FXR1: variants seen among roughly 807,000 people sequenced by gnomAD.
FXR1 encodes RNA-binding protein FXR1.
A neutral mutation model predicts 84.0 loss-of-function variants in FXR1; 15 were observed. The observed-to-expected ratio is 0.18, with a 90% CI of 0.12 to 0.27. FXR1 has a LOEUF of 0.27. Among genes scored for constraint, FXR1 ranks in the 10% least tolerant of loss-of-function variants. The pLI is 1.00. For synonymous variants in FXR1, 245 were observed against 250.7 expected, an observed-to-expected ratio of 0.98 and a Z score of 0.21; for missense variants, 480 against 774.4, an observed-to-expected ratio of 0.62 and a Z score of 4.51.
intron 1 of FXR1, among the ~76,000 whole-genome samples, chr3:180,914,013 C>T (rs964844090): frequency 2.0e-5 from 3 of 152,272 alleles, no homozygotes; most frequent in African/African-American, 7.2e-5. Context: ...TTAACTGTCA[C>T]GTGGTACCAG....
chr3:180,947,790 G>A, intron 3 of FXR1, 75 bp from the exon 4 acceptor site: 1 of 631,978 alleles, frequency 1.6e-6, no homozygotes, highest in Non-Finnish European at 2.7e-6. Flanking sequence ...TTGGGATTGG[G>A]TATTAATAAA....
chr3:180,968,127 A>C lies in FXR1; in HGVS notation c.1275A>C (p.Ala425=). The C allele has an allele frequency of 6.2e-7, 1 of 1,613,472 alleles. No individual in the cohort carries two copies. Among genetic ancestry groups the C allele is most frequent in the Non-Finnish European group, 8.5e-7 (1 of 1,179,382 alleles). ...ACGAGCTGAGTGATTGGTCATTGGC[A>C]GGAGAAGATGATCGAGACAGCCGAC... is the stretch of plus-strand genomic sequence containing the variant. The part of the protein sequence containing the change: ...RKDELSDWSL[A]GEDDRDSRHQ... Residue 425 remains alanine (A), a synonymous_variant, in exon 14 of 17, where the codon GCA becomes GCC. Transcript: ENST00000357559.
intron 9 of FXR1, among the ~76,000 whole-genome samples, chr3:180,954,331 T>G (rs573448083): frequency 6.6e-6 from 1 of 152,306 alleles, no homozygotes; most frequent in East Asian, 1.9e-4. Flanking sequence ...AGGCATAGAA[T>G]AATAAGAAGT....
chr3:180,953,767 T>C lies in FXR1; in HGVS notation c.807T>C (p.Ala269=). 6.5e-7 allele frequency: 1 copy of C among 1,542,432 alleles called. No homozygotes were observed. Among genetic ancestry groups the C allele is most frequent in the Non-Finnish European group, 9.0e-7 (1 of 1,115,750 alleles). The change falls in exon 9 of 17, where the codon GCT becomes GCC. Residue 269 remains alanine (A), a synonymous_variant. Transcript: ENST00000357559. ...TGTFRIYGES[A]DAVKKARGFL... ...ACTTTTCCCCTCATCTACAGAGTGCTGATGCTGTAAAAAAGGCTAGAGGTT... is the reference window on the plus strand; with the variant it reads ...ACTTTTCCCCTCATCTACAGAGTGCCGATGCTGTAAAAAAGGCTAGAGGTT...
At chr3:180,960,665 A>G (rs970599367) in intron 10 of FXR1, among the ~76,000 whole-genome samples, 1 of 151,966 alleles carries the variant, frequency 6.6e-6, no homozygotes, top group Non-Finnish European at 1.5e-5. Flanking sequence ...GGCTTTCTCC[A>G]TGCTGCCCAG....
chr3:180,964,285 T>C (rs1057135546), intron 13 of FXR1, among the ~76,000 whole-genome samples: 1 of 152,194 alleles, frequency 6.6e-6, no homozygotes, highest in Non-Finnish European at 1.5e-5. Flanking sequence ...CACATAGAAA[T>C]CAAATATATT....
intron 3 of FXR1, among the ~76,000 whole-genome samples, chr3:180,938,034 A>C (rs1263802160): frequency 2.0e-5 from 3 of 152,180 alleles, no homozygotes; most frequent in African/African-American, 7.2e-5. Context: ...TAATTAGGAC[A>C]GCAAACATTT....
Position 180,976,281 on chromosome 3 carries a change from G to A in FXR1, c.1855G>A (p.Gly619Ser). ...CACTCAAGAAGCAGCAGTCCTGAAT[G>A]GTGTTTCATAAACTGAAGAAGTTCC... ...ENTQEAAVLN[G>S]VS The change falls in exon 17 of 17, where the codon GGT (glycine) becomes AGT (serine). Residue 619 changes from glycine to serine, a missense_variant. Physicochemically the swap from Gly to Ser is moderately conservative, Grantham distance 56. Transcript: ENST00000357559. 1.9e-6 allele frequency: 3 copies of A among 1,597,450 alleles called. No individual in the cohort carries two copies. Among genetic ancestry groups the A allele is most frequent in the Non-Finnish European group, 1.7e-6 (2 of 1,172,104 alleles).
chr3:180,913,637 A>G (rs1232428290), intron 1 of FXR1, among the ~76,000 whole-genome samples: 1 of 152,224 alleles, frequency 6.6e-6, no homozygotes, highest in East Asian at 1.9e-4. Flanking sequence ...TTGGTGGGGC[A>G]TTCAGCGTTC....
rs1491157451 is a variant in FXR1, at chr3:180,961,368, G to GT, written c.991-100_991-99insT. ...AAAAAAAAAAAAAAAAAAAAAAAAAGGTGTGTGTGTGTGTGCCTGCCTGTC... is the reference window on the plus strand; with the variant it reads ...AAAAAAAAAAAAAAAAAAAAAAAAAGTGTGTGTGTGTGTGTGCCTGCCTGTC... On this transcript the variant is annotated intron_variant, in intron 10 of 16. Coordinates refer to ENST00000357559, the MANE Select transcript of FXR1 (RefSeq NM_005087.4). The GT allele has an allele frequency of 1.1e-3, 133 of 119,232 alleles. 8 individuals are homozygous for GT. The highest frequency in any genetic ancestry group is 4.2e-3 in the African/African-American group (56 of 13,370). The allele number at this position is 119,232 out of a possible 1,614,324, so 7.4% of individuals were successfully genotyped here. A position where few individuals can be genotyped will look rare whatever the true frequency, so the allele number is the denominator to read the frequency against.
rs150752419 is a variant in FXR1 at position 180,925,731 on chromosome 3, G to A, written c.52-7603G>A. Among the ~76,000 whole-genome samples the A allele has an allele frequency of 8.1e-3, 1,241 of 152,298 alleles. 5 individuals are homozygous for A. The highest frequency in any genetic ancestry group is 9.4e-3 in the Non-Finnish European group (636 of 68,016). On this transcript the variant is annotated intron_variant, in intron 1 of 16. Transcript: ENST00000357559. ...ATTGATGGGCTGGAAAGGTAGACTG[G>A]GGCCAGAGTATGAATCAATAAATAA... is the stretch of plus-strand genomic sequence containing the variant.
At chr3:180,927,315 G>A (rs931148078) in intron 1 of FXR1, among the ~76,000 whole-genome samples, 5 of 152,010 alleles carry the variant, frequency 3.3e-5, no homozygotes, top group African/African-American at 9.7e-5. Flanking sequence ...GATGTGTATT[G>A]TTTCAACTTT....
chr3:180,949,594 A>G (rs565981706), intron 7 of FXR1, among the ~76,000 whole-genome samples: 7 of 152,320 alleles, frequency 4.6e-5, no homozygotes, highest in African/African-American at 1.4e-4. Context: ...CATGTTGGCC[A>G]GGCTGGTCTC....
In FXR1 at chr3:180,978,847, C is replaced by T. The variant is rs1714462448; in HGVS notation, c.*2555C>T. On this transcript the variant is annotated 3_prime_UTR_variant, in exon 17 of 17. Transcript: ENST00000357559. ...TGGTGGCAAAAATGACCTGCTTTTCCTGAAGCTTTGGGAGGCCTAGGATTC... is the reference window on the plus strand; with the variant it reads ...TGGTGGCAAAAATGACCTGCTTTTCTTGAAGCTTTGGGAGGCCTAGGATTC... 7.9e-5 allele frequency: 12 copies of T among 152,032 alleles called. No individual in the cohort carries two copies. The highest frequency in any genetic ancestry group is 7.9e-4 in the Admixed American group (12 of 15,250). The allele number at this position is 152,032 out of a possible 1,614,324, so 9.4% of individuals were successfully genotyped here. A position where few individuals can be genotyped will look rare whatever the true frequency, so the allele number is the denominator to read the frequency against.
intron 15 of FXR1, among the ~76,000 whole-genome samples, chr3:180,974,874 T>G (rs1714032485): frequency 6.6e-6 from 1 of 152,140 alleles, no homozygotes; most frequent in Non-Finnish European, 1.5e-5. Context: ...TAAATATTTT[T>G]GTATCTGAAA....
rs1018617505 is a variant in FXR1, at chr3:180,979,233, T to C, written c.*2941T>C. 1 of 152,156 alleles carries C rather than the reference T, an allele frequency of 6.6e-6. No individual in the cohort carries two copies. Among genetic ancestry groups the C allele is most frequent in the Non-Finnish European group, 1.5e-5 (1 of 68,008 alleles). The allele number at this position is 152,156 out of a possible 1,614,324, so 9.4% of individuals were successfully genotyped here. ...CATTTGTATCCTCTGCAAACAGATT[T>C]ACGCTTTTGAGGCTCAAACCAACTA... On this transcript the variant is annotated 3_prime_UTR_variant, in exon 17 of 17. Transcript: ENST00000357559.
intron 3 of FXR1, among the ~76,000 whole-genome samples, chr3:180,938,803 C>T (rs796176330): frequency 7.9e-5 from 12 of 152,278 alleles, no homozygotes; most frequent in African/African-American, 2.9e-4. Context: ...CTGCCTTGGC[C>T]TCCCAAAGTT....
Position 180,980,663 on chromosome 3 carries a change from A to C in FXR1, c.*4371A>C, listed in dbSNP as rs1213339632. 1 of 152,066 alleles carries C rather than the reference A, an allele frequency of 6.6e-6. No homozygotes were observed. Among genetic ancestry groups the C allele is most frequent in the African/African-American group, 2.4e-5 (1 of 41,442 alleles). 9.4% of individuals were successfully genotyped at this position (152,066 alleles called of 1,614,324 possible). A position where few individuals can be genotyped will look rare whatever the true frequency, so the allele number is the denominator to read the frequency against. On this transcript the variant is annotated 3_prime_UTR_variant, in exon 17 of 17. Transcript: ENST00000357559. Reference sequence around the variant, plus strand: ...ACTGAAACTGCTGTAAGGTGTTAGCAAATGTTAACCATAACAGATTATCCC... The same window carrying C: ...ACTGAAACTGCTGTAAGGTGTTAGCCAATGTTAACCATAACAGATTATCCC...
At chr3:180,972,672 A>T (rs1713730173) in intron 15 of FXR1, among the ~76,000 whole-genome samples, 1 of 152,174 alleles carries the variant, frequency 6.6e-6, no homozygotes, top group African/African-American at 2.4e-5. Context: ...AGAGGCAAAA[A>T]TTTCTGTATG....
Sources: gnomAD v4.1 joint callset for allele counts (sites outside exome capture counted in the v4.1 genomes callset) on GRCh38, gnomAD v4.1.1 for gene constraint, MANE v1.5 for transcripts, NCBI Gene and HGNC (gene_info 2026-07-23, HGNC 2026-07-21) for gene names.